Variants in HKDC1 observed in about 807,000 individuals in gnomAD.
The protein encoded by HKDC1 is hexokinase domain containing 1.
In HKDC1, 66 loss-of-function variants were observed where a neutral mutation model predicts 96.6. The ratio of observed to expected loss-of-function variants is 0.68; its 90% CI spans 0.56 to 0.84. The LOEUF (loss-of-function observed/expected upper bound fraction) is 0.84. HKDC1 is among the 40% of genes least tolerant of loss of function. The pLI, the probability that HKDC1 is intolerant of heterozygous loss-of-function variation, is 0.00. For missense variants in HKDC1, 1,211 were observed against 1,208.1 expected, an observed-to-expected ratio of 1.00 and a Z score of -0.04; for synonymous variants, 466 against 473.1, an observed-to-expected ratio of 0.98 and a Z score of 0.20.
intron 14 of HKDC1, 140 bp from the exon 15 acceptor site, chr10:69,258,636 A>T: frequency 1.2e-6 from 1 of 815,020 alleles, no homozygotes; most frequent in Non-Finnish European, 2.0e-6. Context: ...GCCCAAGGTT[A>T]GCCAGCTATG....
Position 69,232,817 on chromosome 10 carries a change from A to C in HKDC1, c.280A>C (p.Lys94Gln). ...CGGAGGGTCCAAGTTCCGAGTGCTG[A>C]AGGTGCAAGTCGCTGAAGAGGGGAA... ...DLGGSKFRVL[K>Q]VQVAEEGKRH... The change falls in exon 3 of 18, where the codon AAG (lysine) becomes CAG (glutamine). Residue 94 changes from lysine (K) to glutamine (Q), a missense_variant. By Grantham distance (53) the Lys-to-Gln change is moderately conservative (BLOSUM62 1). Coordinates refer to ENST00000354624, the MANE Select transcript of HKDC1 (RefSeq NM_025130.4). 1 of 1,614,174 alleles carries C rather than the reference A, an allele frequency of 6.2e-7. No homozygotes were observed. The highest frequency in any genetic ancestry group is 8.5e-7 in the Non-Finnish European group (1 of 1,180,032).
chr10:69,233,664 C>T (rs556200397), intron 4 of HKDC1, among the ~76,000 whole-genome samples: 13 of 150,988 alleles, frequency 8.6e-5, no homozygotes, highest in African/African-American at 2.0e-4. Flanking sequence ...TTTGGGAGGC[C>T]GAGGCGGGCG....
intron 14 of HKDC1, 85 bp downstream of exon 14, chr10:69,257,511 G>A (rs1318097041): frequency 1.3e-5 from 14 of 1,085,130 alleles, no homozygotes; most frequent in Non-Finnish European, 2.0e-5. Context: ...GGTGGGCATT[G>A]TTCCATTATA....
At position 69,247,620 on chromosome 10, in the gene HKDC1, C is replaced by A. The variant is rs368897539; in HGVS notation, c.1265+27C>A. 1.5e-5 allele frequency: 24 copies of A among 1,578,686 alleles called. 2 individuals are homozygous for A. In the South Asian group the frequency reaches 2.7e-4, roughly 18 times the overall value. The stretch of plus-strand genomic sequence containing the variant: ...TGAGTGCTGCCTGCCATCCACGCCC[C>A]CACAAATGAGTCTCCCTGGAGCAGG... On this transcript the variant is annotated intron_variant, in intron 9 of 17. Transcript: ENST00000354624.
At chr10:69,235,552 T>C (rs1843348111) in intron 4 of HKDC1, among the ~76,000 whole-genome samples, 1 of 151,158 alleles carries the variant, frequency 6.6e-6, no homozygotes, top group Non-Finnish European at 1.5e-5. Context: ...TAGATGTGTA[T>C]GTCAGGGGGT....
chr10:69,257,227 C>A, intron 13 of HKDC1, 96 bp downstream of exon 13: 2 of 1,448,672 alleles, frequency 1.4e-6, no homozygotes, highest in Non-Finnish European at 1.9e-6. Context: ...ACTCTGGCCT[C>A]TGTCTGCCTT....
chr10:69,252,673 G>A (rs1040152868), intron 12 of HKDC1, among the ~76,000 whole-genome samples: 1 of 149,516 alleles, frequency 6.7e-6, no homozygotes, highest in African/African-American at 2.4e-5. Context: ...ACTGTAGCCA[G>A]GCATGGTGGC....
intron 12 of HKDC1, 142 bp downstream of exon 12, chr10:69,250,794 T>G: frequency 1.1e-6 from 1 of 881,502 alleles, no homozygotes; most frequent in East Asian, 2.5e-5. Flanking sequence ...ATAGAGAATT[T>G]CAACAATTTA....
At chr10:69,243,499 C>CAT in intron 7 of HKDC1, 134 bp downstream of exon 7, 1 of 520,054 alleles carries the variant, frequency 1.9e-6, no homozygotes, top group Non-Finnish European at 3.1e-6. Context: ...TTTCTTTTTC[C>CAT]TTTTTTTTTT....
chr10:69,255,424 C>T (rs60112356), intron 12 of HKDC1, among the ~76,000 whole-genome samples: 5,756 of 152,108 alleles, frequency 0.038, 335 homozygotes, highest in African/African-American at 0.13. Flanking sequence ...CAGGGTGAGG[C>T]GGCATCCAGC....
Position 69,250,435 on chromosome 10 carries a change from G to A in HKDC1, c.1716G>A (p.Glu572=), listed in dbSNP as rs1228135796. 6.2e-7 allele frequency: 1 copy of A among 1,612,780 alleles called. No individual in the cohort carries two copies. Among genetic ancestry groups the A allele is most frequent in the East Asian group, 2.2e-5 (1 of 44,838 alleles). The change falls in exon 11 of 18, where the codon GAG becomes GAA. Residue 572 remains glutamate (E), a splice_region_variant and synonymous_variant. Transcript: ENST00000354624. ...AGATCATGCAGGGCACTGGTGAGGA[G>A]GTAAGTGCCAGGCAAGGCCTTTGGG... The part of the protein sequence containing the change: ...PLEIMQGTGE[E]LFDHIVQCIA...
intron 5 of HKDC1, among the ~76,000 whole-genome samples, chr10:69,240,233 C>T (rs1222891984): frequency 1.3e-5 from 2 of 152,110 alleles, no homozygotes; most frequent in African/African-American, 4.8e-5. Context: ...ATCACGTGAG[C>T]CCAGGAGTTT....
In HKDC1 at chr10:69,257,093, G is replaced by A. The variant is rs146301899; in HGVS notation, c.1894G>A (p.Val632Met). ...FKATDCEGED[V>M]VDMLREAIKR... ...GGCCACTGACTGTGAAGGGGAGGAC[G>A]TGGTGGACATGCTCAGGGAAGCCAT... Residue 632 changes from valine to methionine, a missense_variant, in exon 13 of 18, where the codon GTG becomes ATG. Transcript: ENST00000354624. 1.1e-4 allele frequency: 181 copies of A among 1,613,974 alleles called. No individual in the cohort carries two copies. In the Middle Eastern group the frequency reaches 1.2e-3, roughly 10 times the overall value.
At chr10:69,261,479 G>A (rs1015612877) in intron 16 of HKDC1, 185 bp downstream of exon 16, 6 of 559,020 alleles carry the variant, frequency 1.1e-5, no homozygotes, top group Non-Finnish European at 1.9e-5. Context: ...ATAAACTCAT[G>A]GCCAAACTGG....
At chr10:69,240,784 G>A (rs3740598) in intron 6 of HKDC1, 33 bp downstream of exon 6, 106,497 of 1,522,186 alleles carry the variant, frequency 0.07, 4,275 homozygotes, top group East Asian at 0.18. Context: ...TTGAGGGTAG[G>A]GGAGAAGGGA....
At chr10:69,222,657 G>A (rs1392979781) in intron 1 of HKDC1, among the ~76,000 whole-genome samples, 3 of 152,198 alleles carry the variant, frequency 2.0e-5, no homozygotes, top group Non-Finnish European at 2.9e-5. Context: ...AGCCTCTGCT[G>A]ATGGGCTCCA....
intron 17 of HKDC1, among the ~76,000 whole-genome samples, chr10:69,266,028 T>C (rs1381758984): frequency 6.6e-6 from 1 of 152,184 alleles, no homozygotes; most frequent in Non-Finnish European, 1.5e-5. Flanking sequence ...GATGTGGGAA[T>C]GTTAGCCGGC....
intron 4 of HKDC1, among the ~76,000 whole-genome samples, chr10:69,237,698 T>A (rs570718831): frequency 3.7e-4 from 56 of 152,306 alleles, no homozygotes; most frequent in African/African-American, 1.1e-3. Context: ...CCCCGCTCTG[T>A]CCCTGGAGAC....
chr10:69,230,650 G>A (rs907132273), intron 2 of HKDC1, among the ~76,000 whole-genome samples: 9 of 152,236 alleles, frequency 5.9e-5, no homozygotes, highest in Admixed American at 1.3e-4. Context: ...GTCTCCCTCC[G>A]TTGCCCAACC....
Sources: allele counts gnomAD v4.1 joint callset (sites outside exome capture counted in the v4.1 genomes callset), GRCh38; gene constraint gnomAD v4.1.1; transcripts MANE v1.5; gene names NCBI Gene and HGNC (gene_info 2026-07-23, HGNC 2026-07-21).